SYNE2: variants seen among roughly 807,000 people sequenced by gnomAD.
The protein encoded by SYNE2 is spectrin repeat containing nuclear envelope protein 2.
SYNE2 carries 431 observed loss-of-function variants against 856.3 expected under a neutral mutation model. The observed-to-expected ratio is 0.50, with a 90% CI of 0.47 to 0.55. The LOEUF is 0.55. Among genes scored for constraint, SYNE2 ranks in the 20% least tolerant of loss-of-function variants. SYNE2 has a pLI of 0.00. For synonymous variants in SYNE2, 2,923 were observed against 2,872.3 expected (o/e 1.02, Z -0.56); for missense variants, 8,129 against 8,023.2 (o/e 1.01, Z -0.50).
In SYNE2 at chr14:64,220,421, T is replaced by G; in HGVS notation, c.19861-16T>G. The G allele has an allele frequency of 6.2e-7, 1 of 1,614,076 alleles. No homozygotes were observed. Among genetic ancestry groups the G allele is most frequent in the Non-Finnish European group, 8.5e-7 (1 of 1,179,908 alleles). Reference sequence around the variant, plus strand: ...ACTTTCAGAGCTCCTAACCTCATCTTTTCTCTCTCTGGTAGGAGATACTGA... The same window carrying G: ...ACTTTCAGAGCTCCTAACCTCATCTGTTCTCTCTCTGGTAGGAGATACTGA... On this transcript the variant is annotated splice_polypyrimidine_tract_variant and intron_variant, in intron 110 of 115. Transcript: ENST00000555002.
Position 64,214,190 on chromosome 14 carries a change from T to A in SYNE2, c.19057-4T>A. 3 of 1,614,158 alleles carry A rather than the reference T, an allele frequency of 1.9e-6. No homozygotes were observed. The South Asian group carries it at 3.3e-5, about 18-fold the overall frequency. ...AATTCTAACAACTGGATACTGTGGT[T>A]TAGGGCTTGGAAGATGAAAAGGAGG... On this transcript the variant is annotated splice_region_variant and splice_polypyrimidine_tract_variant and intron_variant, in intron 105 of 115. Coordinates refer to ENST00000555002, the MANE Select transcript of SYNE2 (RefSeq NM_182914.3).
intron 84 of SYNE2, 41 bp downstream of exon 84, chr14:64,146,264 G>C (rs780561057): frequency 2.6e-6 from 4 of 1,565,150 alleles, no homozygotes; most frequent in Non-Finnish European, 1.7e-6. Flanking sequence ...CGCGAGCTGG[G>C]GTGATTCGGT....
chr14:63,914,150 C>T (rs1377863950), intron 2 of SYNE2, among the ~76,000 whole-genome samples: 1 of 152,174 alleles, frequency 6.6e-6, no homozygotes, highest in Non-Finnish European at 1.5e-5. Flanking sequence ...CATACTTTGT[C>T]AGAAACAACA....
At chr14:64,183,194 C>T (rs1264863972) in intron 96 of SYNE2, among the ~76,000 whole-genome samples, 3 of 150,328 alleles carry the variant, frequency 2.0e-5, no homozygotes, top group African/African-American at 2.5e-5. Context: ...TCCTCACTTC[C>T]CGGACGTGGC....
At chr14:64,159,915 A>T (rs1033385280) in intron 87 of SYNE2, among the ~76,000 whole-genome samples, 2 of 152,204 alleles carry the variant, frequency 1.3e-5, no homozygotes, top group African/African-American at 4.8e-5. Flanking sequence ...GTGGGATATG[A>T]AAGCTCCCTT....
intron 1 of SYNE2, among the ~76,000 whole-genome samples, chr14:63,774,468 CAAAAAAAAAAAAA>C (rs748830808): frequency 1.0e-5 from 1 of 95,326 alleles, no homozygotes; most frequent in African/African-American, 4.2e-5. Flanking sequence ...GACTCCGTCT[CAAAAAAAAAAAAA>C]AAAAAGAAAA....
At chr14:64,212,733 TG>T in intron 104 of SYNE2, 77 bp from the exon 105 acceptor site, 1 of 1,326,062 alleles carries the variant, frequency 7.5e-7, no homozygotes, top group Non-Finnish European at 1.1e-6. Flanking sequence ...TGCTTTTCTA[TG>T]GCCCTGTTAG....
chr14:63,831,549 C>CTTTTTTTTTT (rs1211983068), intron 1 of SYNE2, among the ~76,000 whole-genome samples: 2 of 69,548 alleles, frequency 2.9e-5, no homozygotes, highest in African/African-American at 5.5e-5. Flanking sequence ...AATGTTCATT[C>CTTTTTTTTTT]TTTTTTTTTT....
chr14:64,146,080 G>A lies in SYNE2; in HGVS notation c.15496G>A (p.Glu5166Lys), dbSNP rs764213082. The A allele has an allele frequency of 6.3e-7, 1 of 1,579,486 alleles. No homozygotes were observed. Among genetic ancestry groups the A allele is most frequent in the Non-Finnish European group, 8.6e-7 (1 of 1,157,656 alleles). The change falls in exon 84 of 116, where the codon GAA becomes AAA. Residue 5166 changes from glutamate (E) to lysine (K), a missense_variant. Glu to Lys is a moderately conservative substitution (Grantham distance 56). This residue lies in a region of SYNE2 where 5,410 missense variants were observed against 5,284.8 expected (regional missense o/e 1.02). Coordinates refer to ENST00000555002, the MANE Select transcript of SYNE2 (RefSeq NM_182914.3). The part of the protein sequence containing the change: ...GMLNRKIQHL[E>K]QLLESITESE... Reference sequence around the variant, plus strand: ...TACATTCACTTAGATACAACATTTAGAACAACTTCTAGAAAGTATCACTGA... The same window carrying A: ...TACATTCACTTAGATACAACATTTAAAACAACTTCTAGAAAGTATCACTGA...
chr14:64,100,147 G>A (rs2097709350), intron 63 of SYNE2: 1 of 151,880 alleles, frequency 6.6e-6, no homozygotes, highest in African/African-American at 2.4e-5. Flanking sequence ...ATACTATGCA[G>A]CCATAAAAAA....
intron 22 of SYNE2, 68 bp from the exon 23 acceptor site, chr14:63,994,976 G>T (rs1014897622): frequency 1.6e-5 from 17 of 1,049,948 alleles, no homozygotes; most frequent in Non-Finnish European, 2.3e-5. Flanking sequence ...TATATTTATT[G>T]TTACTATAAA....
At chr14:63,938,096 G>A (rs1456744550) in intron 2 of SYNE2, among the ~76,000 whole-genome samples, 1 of 152,182 alleles carries the variant, frequency 6.6e-6, no homozygotes. Flanking sequence ...AAGTGTATTG[G>A]AGAGGAGGAA....
intron 7 of SYNE2, among the ~76,000 whole-genome samples, chr14:63,950,479 T>C (rs1486858454): frequency 6.6e-6 from 1 of 152,090 alleles, no homozygotes; most frequent in Non-Finnish European, 1.5e-5. Context: ...CGCTTGAACC[T>C]GGGAGGCGGA....
At chr14:64,034,467 T>C in intron 45 of SYNE2, 1 of 484,038 alleles carries the variant, frequency 2.1e-6, no homozygotes, top group Non-Finnish European at 3.7e-6. Flanking sequence ...CTTTTACTTT[T>C]TCTTTAGTAA....
intron 45 of SYNE2, among the ~76,000 whole-genome samples, chr14:64,047,530 AC>A (rs1408615585): frequency 6.6e-6 from 1 of 152,164 alleles, no homozygotes; most frequent in East Asian, 1.9e-4. Flanking sequence ...GTGGGGTTTC[AC>A]TGGGGGCTTG....
intron 78 of SYNE2, 94 bp downstream of exon 78, chr14:64,134,294 A>T (rs1178014137): frequency 7.6e-7 from 1 of 1,313,644 alleles, no homozygotes. Flanking sequence ...GGAAGGTTTG[A>T]ATTGAAACAA....
rs145347054 is a variant in SYNE2 at position 64,078,413 on chromosome 14, A to G, written c.11023-53A>G. ...ACCACTTTTGTTGTTCGAACCTATG[A>G]ATAAAGTGCAGACAACCTCTCTAAG... On this transcript the variant is annotated intron_variant, in intron 54 of 115. Transcript: ENST00000555002. 3.1e-6 allele frequency: 5 copies of G among 1,608,696 alleles called. No homozygotes were observed. The East Asian group carries it at 1.1e-4, about 36-fold the overall frequency.
chr14:63,890,253 G>A (rs887344540), intron 1 of SYNE2, among the ~76,000 whole-genome samples: 3 of 151,850 alleles, frequency 2.0e-5, no homozygotes, highest in Non-Finnish European at 4.4e-5. Context: ...AGTAGAGACA[G>A]GGTTTCACCA....
In SYNE2 at chr14:63,857,138, A is replaced by G. The variant is rs151089451; in HGVS notation, c.-52+3995A>G. ...AACTGTCTCCCTGTAGCTCCTTGCT[A>G]TACCCTGAATCCCTCTTCCTCATCC... On this transcript the variant is annotated intron_variant, in intron 1 of 115. Coordinates refer to ENST00000555002, the MANE Select transcript of SYNE2 (RefSeq NM_182914.3). 5.4e-3 allele frequency among the ~76,000 whole-genome samples: 823 copies of G among 152,232 alleles called. 8 individuals are homozygous for G. The highest frequency in any genetic ancestry group is 7.4e-3 in the Non-Finnish European group (504 of 68,018).
Sources: gnomAD v4.1 joint callset for allele counts (sites outside exome capture counted in the v4.1 genomes callset) on GRCh38, gnomAD v4.1.1 for gene constraint, gnomAD v4.1.1 regional missense constraint, MANE v1.5 for transcripts, NCBI Gene and HGNC (gene_info 2026-07-23, HGNC 2026-07-21) for gene names.